The following CCDC171 variants were observed in gnomAD, a reference collection of about 807,000 sequenced individuals.
CCDC171 encodes coiled-coil domain-containing protein 171.
CCDC171 carries 177 observed loss-of-function variants against 168.2 expected under a neutral mutation model. The ratio of observed to expected loss-of-function variants is 1.05; its 90% CI spans 0.93 to 1.19. The LOEUF is 1.19. Ranked by LOEUF, CCDC171 falls within the 50% of genes most tolerant of loss-of-function variation. The pLI, the probability that CCDC171 is intolerant of heterozygous loss-of-function variation, is 0.00. For missense variants in CCDC171, 1,991 were observed against 1,539.0 expected (o/e 1.29, Z -4.91); for synonymous variants, 687 against 540.8 (o/e 1.27, Z -3.75).
chr9:15,640,151 A>G (rs1047398090), intron 7 of CCDC171, among the ~76,000 whole-genome samples: 2 of 152,190 alleles, frequency 1.3e-5, no homozygotes, highest in African/African-American at 2.4e-5. Flanking sequence ...TTTTGTTTTT[A>G]TGCAGTCACA....
intron 7 of CCDC171, among the ~76,000 whole-genome samples, chr9:15,654,065 C>T (rs763208370): frequency 5.9e-5 from 9 of 152,120 alleles, no homozygotes; most frequent in East Asian, 3.9e-4. Context: ...CACCTTTCAG[C>T]GGAATGCCTG....
chr9:15,671,671 C>T (rs924103675), intron 9 of CCDC171, among the ~76,000 whole-genome samples: 1 of 142,890 alleles, frequency 7.0e-6, no homozygotes, highest in Admixed American at 7.5e-5. Flanking sequence ...ATCCATGTCG[C>T]TGCAAAGGAC....
At chr9:16,028,179 T>A (rs1002702587) in intron 6 of CCDC171, among the ~76,000 whole-genome samples, 1 of 152,116 alleles carries the variant, frequency 6.6e-6, no homozygotes, top group Admixed American at 6.5e-5. Context: ...GCAATTAGTG[T>A]TGCAAATGCA....
At chr9:16,082,680 T>C in the CCDC171 span, among the ~76,000 whole-genome samples, 1 of 152,254 alleles carries the variant, frequency 6.6e-6, no homozygotes, top group African/African-American at 2.4e-5. Context: ...AGTACACGCA[T>C]GCGTGAGCTT....
intron 3 of CCDC171, among the ~76,000 whole-genome samples, chr9:15,572,731 A>T (rs1005148540): frequency 6.6e-6 from 1 of 152,280 alleles, no homozygotes; most frequent in Non-Finnish European, 1.5e-5. Context: ...GAACTAAAAC[A>T]TTTATATCAT....
the CCDC171 span, among the ~76,000 whole-genome samples, chr9:16,103,260 A>T: frequency 6.6e-6 from 1 of 152,238 alleles, no homozygotes; most frequent in Non-Finnish European, 1.5e-5. Flanking sequence ...GGGCACTCAC[A>T]GTCACCAGCT....
intron 25 of CCDC171, among the ~76,000 whole-genome samples, chr9:15,964,457 G>A (rs1830612788): frequency 6.6e-6 from 1 of 152,074 alleles, no homozygotes; most frequent in South Asian, 2.1e-4. Flanking sequence ...GTTTGGGAAT[G>A]TATGTTTCTA....
intron 24 of CCDC171, among the ~76,000 whole-genome samples, chr9:15,911,169 A>G (rs1823574953): frequency 6.6e-6 from 1 of 152,188 alleles, no homozygotes; most frequent in South Asian, 2.1e-4. Context: ...CCAATGGTGT[A>G]AAAGTGTTCC....
intron 21 of CCDC171, among the ~76,000 whole-genome samples, chr9:15,797,672 A>C (rs1432480784): frequency 6.6e-6 from 1 of 152,106 alleles, no homozygotes; most frequent in African/African-American, 2.4e-5. Context: ...TTTCAAATAA[A>C]AATTTTACAT....
At chr9:15,874,304 C>G (rs577925919) in intron 23 of CCDC171, among the ~76,000 whole-genome samples, 1 of 152,036 alleles carries the variant, frequency 6.6e-6, no homozygotes, top group East Asian at 1.9e-4. Context: ...ACTCTTCTTC[C>G]CCTCCCTCAT....
intron 9 of CCDC171, among the ~76,000 whole-genome samples, chr9:15,666,866 C>T (rs2048771572): frequency 6.6e-6 from 1 of 152,128 alleles, no homozygotes; most frequent in Non-Finnish European, 1.5e-5. Flanking sequence ...TCTCAAACTA[C>T]AGAAATAATA....
At chr9:16,104,550 C>T in the CCDC171 span, among the ~76,000 whole-genome samples, 1 of 152,146 alleles carries the variant, frequency 6.6e-6, no homozygotes, top group Admixed American at 6.5e-5. Context: ...ACTGGACCCA[C>T]AGAGATTTCA....
intron 9 of CCDC171, among the ~76,000 whole-genome samples, chr9:15,672,951 A>G (rs1396266386): frequency 3.3e-5 from 5 of 152,144 alleles, no homozygotes; most frequent in African/African-American, 4.8e-5. Context: ...TGGGCAGTAT[A>G]GCCATTTTCA....
At chr9:15,790,916 G>A (rs1237830060) in intron 21 of CCDC171, among the ~76,000 whole-genome samples, 1 of 152,132 alleles carries the variant, frequency 6.6e-6, no homozygotes, top group Admixed American at 6.5e-5. Flanking sequence ...TAGACATGTG[G>A]TATTATTTCT....
At chr9:15,585,855 A>G (rs2041516440) in intron 4 of CCDC171, among the ~76,000 whole-genome samples, 1 of 152,110 alleles carries the variant, frequency 6.6e-6, no homozygotes, top group African/African-American at 2.4e-5. Flanking sequence ...GCACGCCTGT[A>G]ATTTCAACTA....
At chr9:15,634,331 GT>G (rs1310701435) in intron 7 of CCDC171, among the ~76,000 whole-genome samples, 2 of 151,960 alleles carry the variant, frequency 1.3e-5, no homozygotes, top group Non-Finnish European at 2.9e-5. Flanking sequence ...TCTTTTCTCT[GT>G]ATTTCTTTTA....
At chr9:16,079,512 A>G in the CCDC171 span, among the ~76,000 whole-genome samples, 1 of 152,238 alleles carries the variant, frequency 6.6e-6, no homozygotes, top group Non-Finnish European at 1.5e-5. Flanking sequence ...ATCAAAGAGC[A>G]CCAAAGATTG....
intron 25 of CCDC171, among the ~76,000 whole-genome samples, chr9:15,969,840 C>G (rs1023503835): frequency 4.6e-5 from 7 of 152,112 alleles, no homozygotes; most frequent in East Asian, 1.9e-4. Context: ...AAAAATGATT[C>G]TAGCAGCAGT....
intron 18 of CCDC171, among the ~76,000 whole-genome samples, chr9:15,774,582 T>C (rs2057203986): frequency 6.6e-6 from 1 of 152,220 alleles, no homozygotes; most frequent in South Asian, 2.1e-4. Flanking sequence ...ATCTACAGTT[T>C]GATCCAGCAG....
Sources: allele counts gnomAD v4.1 joint callset (sites outside exome capture counted in the v4.1 genomes callset), GRCh38; gene constraint gnomAD v4.1.1; transcripts MANE v1.5; gene names NCBI Gene and HGNC (gene_info 2026-07-23, HGNC 2026-07-21).